USP20: variants seen among roughly 807,000 people sequenced by gnomAD.
USP20 encodes ubiquitin carboxyl-terminal hydrolase 20.
In USP20, 80 loss-of-function variants were observed where a neutral mutation model predicts 124.2. That is an observed-to-expected ratio of 0.64 (90% CI 0.54 to 0.78). The LOEUF (loss-of-function observed/expected upper bound fraction) is 0.78, where lower values mean the gene tolerates loss of function less well. USP20 is among the 30% of genes least tolerant of loss of function. The pLI is 0.00. For missense variants in USP20, 1,043 were observed against 1,244.4 expected (o/e 0.84, Z 2.44); for synonymous variants, 481 against 512.3 (o/e 0.94, Z 0.83).
At chr9:129,843,070 T>C (rs572005883) in intron 1 of USP20, among the ~76,000 whole-genome samples, 1 of 152,256 alleles carries the variant, frequency 6.6e-6, no homozygotes, top group East Asian at 1.9e-4. Flanking sequence ...AAAGGGAAGC[T>C]TATCAATATC....
intron 16 of USP20, 72 bp from the exon 17 acceptor site, chr9:129,873,626 CG>C: frequency 1.2e-6 from 2 of 1,613,304 alleles, no homozygotes; most frequent in Non-Finnish European, 1.7e-6. Context: ...AGAAGGGAGC[CG>C]GGTGGAGGGC....
chr9:129,861,647 T>TC (rs773212741), intron 8 of USP20, 35 bp downstream of exon 8: 6 of 1,606,310 alleles, frequency 3.7e-6, no homozygotes, highest in Non-Finnish European at 4.3e-6. Flanking sequence ...CCGAGAGCTG[T>TC]CCCTGGCAAA....
intron 6 of USP20, 47 bp from the exon 7 acceptor site, chr9:129,860,890 C>T (rs1479705436): frequency 6.3e-7 from 1 of 1,596,462 alleles, no homozygotes; most frequent in Non-Finnish European, 8.6e-7. Context: ...GCCTCTGACC[C>T]CAGCCCCTCT....
chr9:129,860,830 G>C (rs2033505077), intron 6 of USP20, 107 bp from the exon 7 acceptor site: 1 of 1,143,116 alleles, frequency 8.7e-7, no homozygotes, highest in Non-Finnish European at 1.3e-6. Flanking sequence ...CAGCCCAGTA[G>C]GGCCTTCCGG....
At chr9:129,872,177 G>T (rs2131091922) in intron 15 of USP20, among the ~76,000 whole-genome samples, 1 of 150,456 alleles carries the variant, frequency 6.6e-6, no homozygotes, top group Middle Eastern at 3.5e-3. Context: ...TCTTGAGACA[G>T]AGTCTCACTC....
intron 2 of USP20, among the ~76,000 whole-genome samples, chr9:129,850,303 A>G (rs1209483007): frequency 6.6e-6 from 1 of 152,178 alleles, no homozygotes; most frequent in Non-Finnish European, 1.5e-5. Context: ...TTAGAAAGCA[A>G]CTGAGCGGGC....
intron 2 of USP20, among the ~76,000 whole-genome samples, chr9:129,851,834 A>G (rs765605785): frequency 6.6e-6 from 1 of 151,304 alleles, no homozygotes; most frequent in Non-Finnish European, 1.5e-5. Context: ...CTTGAAACCC[A>G]TCACCCAGCT....
In USP20 at chr9:129,839,140, C is replaced by T. The variant is rs142181666; in HGVS notation, c.-129+3641C>T. Among the ~76,000 whole-genome samples the T allele has an allele frequency of 3.3e-5, 5 of 152,070 alleles. No individual in the cohort carries two copies. The highest frequency in any genetic ancestry group is 1.3e-4 in the Admixed American group (2 of 15,250). ...GAGCATGGGCTTCAGGGCAGGTAGTCGTGGGTTCGAATTTTGGTTCTGCAG... is the reference window on the plus strand; with the variant it reads ...GAGCATGGGCTTCAGGGCAGGTAGTTGTGGGTTCGAATTTTGGTTCTGCAG... On this transcript the variant is annotated intron_variant, in intron 1 of 25. Coordinates refer to ENST00000372429, the MANE Select transcript of USP20 (RefSeq NM_001110303.4). This position sits in a 1 kb window ranked among gnomAD's most constrained non-coding sequence, Gnocchi z 4.5.
chr9:129,847,038 A>G (rs917444927), intron 1 of USP20, among the ~76,000 whole-genome samples: 5 of 152,196 alleles, frequency 3.3e-5, no homozygotes, highest in Non-Finnish European at 7.3e-5. Flanking sequence ...TGTTTTGTCT[A>G]TTGATGGGCA....
chr9:129,839,890 C>G lies in USP20; in HGVS notation c.-129+4391C>G, dbSNP rs2032096244. ...CCCTGCCCTTCCTCAGGCCTTGCCC[C>G]TCCACTTTGCCCCTGTGGGTGGAGT... On this transcript the variant is annotated intron_variant, in intron 1 of 25. Coordinates refer to ENST00000372429, the MANE Select transcript of USP20 (RefSeq NM_001110303.4). The surrounding 1 kb of genome is among the most constrained non-coding windows in gnomAD (Gnocchi z 4.5). 6.6e-6 allele frequency among the ~76,000 whole-genome samples: 1 copy of G among 152,172 alleles called. No homozygotes were observed. The highest frequency in any genetic ancestry group is 6.5e-5 in the Admixed American group (1 of 15,282).
intron 19 of USP20, 44 bp from the exon 20 acceptor site, chr9:129,875,266 G>A: frequency 6.5e-7 from 1 of 1,547,894 alleles, no homozygotes; most frequent in Non-Finnish European, 8.7e-7. Context: ...GTCTGAAGGT[G>A]GCAGCCGTCA....
At chr9:129,865,524 C>T (rs1250573130) in intron 10 of USP20, 143 bp downstream of exon 10, 5 of 812,034 alleles carry the variant, frequency 6.2e-6, no homozygotes, top group Non-Finnish European at 1.0e-5. Context: ...ACTCCTAAGC[C>T]CTTCACACGT....
At chr9:129,871,425 C>T (rs1020439912) in intron 15 of USP20, among the ~76,000 whole-genome samples, 5 of 152,282 alleles carry the variant, frequency 3.3e-5, no homozygotes, top group Non-Finnish European at 7.3e-5. Context: ...TTCGTTCATC[C>T]GTCAGTGGAC....
intron 19 of USP20, 85 bp downstream of exon 19, chr9:129,875,040 C>T (rs2034323353): frequency 2.0e-6 from 3 of 1,532,462 alleles, no homozygotes; most frequent in East Asian, 4.6e-5. Context: ...GTGTAGGGGA[C>T]AGCGCCTGGA....
At chr9:129,858,886 G>T (rs2033364256) in intron 6 of USP20, among the ~76,000 whole-genome samples, 2 of 152,118 alleles carry the variant, frequency 1.3e-5, no homozygotes, top group Admixed American at 1.3e-4. Flanking sequence ...GCAGGGGTTG[G>T]GGTGGGCCCA....
chr9:129,842,595 GTT>G (rs1256157748), intron 1 of USP20, among the ~76,000 whole-genome samples: 10 of 139,372 alleles, frequency 7.2e-5, no homozygotes, highest in East Asian at 2.1e-4. Flanking sequence ...GTGTGTGGAA[GTT>G]TTTTTTTTTT....
intron 3 of USP20, among the ~76,000 whole-genome samples, chr9:129,855,893 G>A (rs1223740086): frequency 2.0e-5 from 3 of 152,110 alleles, no homozygotes; most frequent in Non-Finnish European, 4.4e-5. Context: ...CACAGGGGTA[G>A]GCAGAACAGA....
At chr9:129,838,193 C>G (rs2031978748) in intron 1 of USP20, among the ~76,000 whole-genome samples, 1 of 151,982 alleles carries the variant, frequency 6.6e-6, no homozygotes, top group Admixed American at 6.6e-5. Context: ...AGGCGCCCAC[C>G]ACCACACCTG....
chr9:129,851,448 G>A (rs1312340176), intron 2 of USP20, among the ~76,000 whole-genome samples: 1 of 151,986 alleles, frequency 6.6e-6, no homozygotes, highest in Admixed American at 6.6e-5. Flanking sequence ...TATGTCTGTA[G>A]TACAATCAGT....
Sources: allele counts gnomAD v4.1 joint callset (sites outside exome capture counted in the v4.1 genomes callset), GRCh38; gene constraint gnomAD v4.1.1; non-coding constraint Gnocchi (gnomAD v3.1); transcripts MANE v1.5; gene names NCBI Gene and HGNC (gene_info 2026-07-23, HGNC 2026-07-21).